The following PACRG variants were observed in gnomAD, a reference collection of about 807,000 sequenced individuals.
PACRG encodes parkin coregulated gene protein.
PACRG carries 29 observed loss-of-function variants against 29.7 expected under a neutral mutation model. That is an observed-to-expected ratio of 0.98 (90% CI 0.73 to 1.33). PACRG has a LOEUF of 1.33. Ranked by LOEUF, PACRG falls within the 40% of genes most tolerant of loss-of-function variation. The probability of loss-of-function intolerance (pLI) is 0.00; values close to 1 mark genes in which losing one functional copy is unlikely to be tolerated. For missense variants in PACRG, 279 were observed against 316.2 expected (o/e 0.88, Z 0.89); for synonymous variants, 116 against 118.7 (o/e 0.98, Z 0.15).
At chr6:162,875,440 C>T (rs1218471376) in intron 2 of PACRG, among the ~76,000 whole-genome samples, 1 of 152,224 alleles carries the variant, frequency 6.6e-6, no homozygotes. Flanking sequence ...CACATTCACA[C>T]ACAGGCATTC....
At chr6:162,781,723 TTACTC>T (rs1784107257) in intron 1 of PACRG, among the ~76,000 whole-genome samples, 1 of 151,696 alleles carries the variant, frequency 6.6e-6, no homozygotes. Flanking sequence ...TTTAAAATGT[TTACTC>T]TAAACCCTAA....
intron 4 of PACRG, among the ~76,000 whole-genome samples, chr6:163,177,922 G>T (rs576336752): frequency 6.6e-6 from 1 of 151,892 alleles, no homozygotes; most frequent in Non-Finnish European, 1.5e-5. Context: ...CTTCCCTGCT[G>T]GACCATTTGT....
At chr6:163,166,765 A>G (rs1778831506) in intron 4 of PACRG, among the ~76,000 whole-genome samples, 1 of 152,242 alleles carries the variant, frequency 6.6e-6, no homozygotes, top group South Asian at 2.1e-4. Flanking sequence ...ACTGTAAAAT[A>G]TTCCATTTTG....
At chr6:162,989,184 A>G (rs1803187989) in intron 2 of PACRG, among the ~76,000 whole-genome samples, 1 of 152,172 alleles carries the variant, frequency 6.6e-6, no homozygotes, top group South Asian at 2.1e-4. Flanking sequence ...CTAAGGCAAA[A>G]AGGACACTAC....
chr6:162,826,227 T>G (rs1462955570), intron 2 of PACRG, among the ~76,000 whole-genome samples: 1 of 152,192 alleles, frequency 6.6e-6, no homozygotes, highest in Admixed American at 6.5e-5. Flanking sequence ...TGCATGATTG[T>G]GTATGTGTGT....
chr6:162,751,745 A>T (rs1479017545), intron 1 of PACRG, among the ~76,000 whole-genome samples: 1 of 152,172 alleles, frequency 6.6e-6, no homozygotes, highest in Non-Finnish European at 1.5e-5. Context: ...GGAAGAGTGT[A>T]TTGCTGGTTA....
At chr6:162,950,284 T>G (rs1799548671) in intron 2 of PACRG, among the ~76,000 whole-genome samples, 2 of 150,904 alleles carry the variant, frequency 1.3e-5, no homozygotes, top group Admixed American at 6.6e-5. Context: ...GATCGTGAGG[T>G]CAGGAGATCG....
At chr6:163,260,293 T>C (rs983233247) in intron 4 of PACRG, among the ~76,000 whole-genome samples, 1 of 152,028 alleles carries the variant, frequency 6.6e-6, no homozygotes, top group Admixed American at 6.6e-5. Flanking sequence ...CTTCATTTCC[T>C]GCGAGGGGAG....
intron 2 of PACRG, among the ~76,000 whole-genome samples, chr6:162,838,274 C>T (rs980277732): frequency 1.3e-5 from 2 of 152,200 alleles, no homozygotes; most frequent in African/African-American, 4.8e-5. Flanking sequence ...GGACAGGCCT[C>T]TGCTCCAGGC....
chr6:162,791,707 G>A lies in PACRG; in HGVS notation c.157-22440G>A, dbSNP rs117237430. ...ATATCTAGATTATTTAAAATATATA[G>A]CATCCCATCAATTTGAATTTCACCA... On this transcript the variant is annotated intron_variant, in intron 1 of 4. Coordinates refer to ENST00000366888, the MANE Select transcript of PACRG (RefSeq NM_001080379.2). 2.8e-3 allele frequency among the ~76,000 whole-genome samples: 424 copies of A among 152,196 alleles called. 1 individual carries two copies. Among genetic ancestry groups the A allele is most frequent in the Non-Finnish European group, 4.6e-3 (313 of 68,002 alleles).
intron 2 of PACRG, among the ~76,000 whole-genome samples, chr6:163,007,423 C>T (rs1805220141): frequency 6.6e-6 from 1 of 152,094 alleles, no homozygotes; most frequent in African/African-American, 2.4e-5. Flanking sequence ...CCTTAAATAA[C>T]TTCCTTTCAT....
intron 4 of PACRG, among the ~76,000 whole-genome samples, chr6:163,127,274 A>G (rs1393237257): frequency 6.6e-6 from 1 of 152,254 alleles, no homozygotes; most frequent in African/African-American, 2.4e-5. Context: ...TATTGTTTCA[A>G]TTATGACATT....
At chr6:162,984,032 T>C (rs1236626058) in intron 2 of PACRG, among the ~76,000 whole-genome samples, 1 of 151,698 alleles carries the variant, frequency 6.6e-6, no homozygotes, top group Non-Finnish European at 1.5e-5. Flanking sequence ...AAAATTTTTT[T>C]TATTTCAATA....
At chr6:163,107,867 T>G (rs977373424) in intron 4 of PACRG, among the ~76,000 whole-genome samples, 2 of 152,236 alleles carry the variant, frequency 1.3e-5, no homozygotes, top group Non-Finnish European at 2.9e-5. Context: ...CTCTATAAAT[T>G]TCTCCAAAAT....
intron 2 of PACRG, among the ~76,000 whole-genome samples, chr6:162,992,996 G>A (rs1045680487): frequency 6.7e-6 from 1 of 149,300 alleles, no homozygotes; most frequent in Non-Finnish European, 1.5e-5. Context: ...ATTTCGTTAT[G>A]TACCCAGTAG....
chr6:162,967,132 T>G (rs1219080821), intron 2 of PACRG, among the ~76,000 whole-genome samples: 1 of 152,206 alleles, frequency 6.6e-6, no homozygotes, highest in Admixed American at 6.5e-5. Flanking sequence ...GCACATGATG[T>G]GTATTATTAT....
intron 4 of PACRG, chr6:163,245,310 A>T (rs372819933): frequency 7.4e-4 from 156 of 210,976 alleles, no homozygotes; most frequent in African/African-American, 3.0e-3. Flanking sequence ...AAACTATGCC[A>T]TTTTCAGAGA....
chr6:162,997,336 G>A (rs2128193061), intron 2 of PACRG: 1 of 420,400 alleles, frequency 2.4e-6, no homozygotes, highest in Non-Finnish European at 4.7e-6. Context: ...GAAAGCCAAA[G>A]TATGGTTTAT....
intron 1 of PACRG, among the ~76,000 whole-genome samples, chr6:162,810,161 C>T (rs1232321219): frequency 1.3e-5 from 2 of 152,114 alleles, no homozygotes; most frequent in African/African-American, 4.8e-5. Context: ...TCTCCATCCC[C>T]ACCCAGTATT....
Sources: allele counts gnomAD v4.1 joint callset (sites outside exome capture counted in the v4.1 genomes callset), GRCh38; gene constraint gnomAD v4.1.1; transcripts MANE v1.5; gene names NCBI Gene and HGNC (gene_info 2026-07-23, HGNC 2026-07-21).